Variants in CD8B observed in about 807,000 individuals in gnomAD.
CD8B encodes the protein T-cell surface glycoprotein CD8 beta chain.
In CD8B, 6 loss-of-function variants were observed where a neutral mutation model predicts 24.2. The ratio of observed to expected loss-of-function variants is 0.25; its 90% CI spans 0.14 to 0.49. The LOEUF (loss-of-function observed/expected upper bound fraction) is 0.49. Ranked by LOEUF, CD8B falls within the 20% of genes least tolerant of loss-of-function variation. The pLI is 0.98. For missense variants in CD8B, 196 were observed against 271.3 expected (o/e 0.72, Z 1.95); for synonymous variants, 84 against 108.3 (o/e 0.78, Z 1.39).
rs566144628 is a variant in CD8B at position 86,841,404 on chromosome 2, T to C, written c.*903A>G. ...GCCTGAGGCACCTGCAGCCTGGCTC[T>C]GGGTGCCCTGGGCGCTTCCTAGCCT... On this transcript the variant is annotated 3_prime_UTR_variant, in exon 6 of 6. Coordinates refer to ENST00000390655, the MANE Select transcript of CD8B (RefSeq NM_004931.5). Among the ~76,000 whole-genome samples the C allele has an allele frequency of 1.1e-3, 166 of 151,384 alleles. No individual in the cohort carries two copies. Among genetic ancestry groups the C allele is most frequent in the African/African-American group, 3.6e-3 (147 of 41,204 alleles).
rs765411219 is a variant in CD8B, at chr2:86,858,134, T to C, written c.326A>G (p.Glu109Gly). 1 of 1,614,012 alleles carries C rather than the reference T, an allele frequency of 6.2e-7. No homozygotes were observed. The highest frequency in any genetic ancestry group is 1.1e-5 in the South Asian group (1 of 91,078). The change falls in exon 2 of 6, where the codon GAA (glutamate) becomes GGA (glycine). Residue 109 changes from glutamate (E) to glycine (G), a missense_variant. Glu to Gly is a moderately conservative substitution (Grantham distance 98). Coordinates refer to ENST00000390655, the MANE Select transcript of CD8B (RefSeq NM_004931.5). The stretch of plus-strand genomic sequence containing the variant: ...CATGCAGAAGTAGATGCCACTGTCT[T>C]CCGGCTTCACGCTTGTGAGATTGAG... ...FILNLTSVKP[E>G]DSGIYFCMIV...
intron 2 of CD8B, among the ~76,000 whole-genome samples, chr2:86,857,785 G>A (rs773561071): frequency 2.0e-5 from 3 of 152,094 alleles, no homozygotes; most frequent in South Asian, 2.1e-4. Flanking sequence ...ACTCTGGCCC[G>A]TCTCTTCTAG....
downstream of CD8B, among the ~76,000 whole-genome samples, chr2:86,837,493 AAGG>A (rs1432780775): frequency 2.0e-5 from 3 of 152,078 alleles, no homozygotes; most frequent in Non-Finnish European, 2.9e-5. Flanking sequence ...TGACGCATCG[AAGG>A]AGGTTTCCCA....
intron 2 of CD8B, among the ~76,000 whole-genome samples, chr2:86,856,152 CTG>C (rs1317000677): frequency 6.6e-6 from 1 of 152,212 alleles, no homozygotes; most frequent in Non-Finnish European, 1.5e-5. Context: ...GCAGGTTTGG[CTG>C]CAAGCCAGAG....
chr2:86,848,482 C>A (rs763316186), intron 3 of CD8B, among the ~76,000 whole-genome samples: 22 of 151,944 alleles, frequency 1.4e-4, no homozygotes, highest in African/African-American at 2.9e-4. Context: ...CCTCTGACAC[C>A]CTTCAGGCCC....
chr2:86,860,258 A>G (rs1289845732), intron 1 of CD8B, among the ~76,000 whole-genome samples: 1 of 152,274 alleles, frequency 6.6e-6, no homozygotes, highest in Admixed American at 6.5e-5. Context: ...CGACAGAGCA[A>G]GACTCCATCT....
At chr2:86,860,451 A>C (rs1250373444) in intron 1 of CD8B, among the ~76,000 whole-genome samples, 1 of 152,180 alleles carries the variant, frequency 6.6e-6, no homozygotes, top group Non-Finnish European at 1.5e-5. Context: ...AATAAGAACC[A>C]ATAATGCCAG....
At chr2:86,860,960 A>G (rs1290824925) in intron 1 of CD8B, among the ~76,000 whole-genome samples, 1 of 152,214 alleles carries the variant, frequency 6.6e-6, no homozygotes, top group Non-Finnish European at 1.5e-5. Flanking sequence ...TCGGTAACCC[A>G]GGAATTCCAT....
At chr2:86,843,430 C>T (rs1442764017) in intron 5 of CD8B, 4 of 976,120 alleles carry the variant, frequency 4.1e-6, no homozygotes, top group Admixed American at 6.2e-5. Flanking sequence ...TGGCCTGAGA[C>T]AGCTACACTC....
chr2:86,830,684 C>G (rs1185537117), intron 5 of CD8B, among the ~76,000 whole-genome samples: 1 of 152,052 alleles, frequency 6.6e-6, no homozygotes, highest in Non-Finnish European at 1.5e-5. Flanking sequence ...ATTTGAGGCT[C>G]TAGATATGTA....
At chr2:86,833,920 G>T (rs1252671104), downstream of CD8B, among the ~76,000 whole-genome samples, 1 of 151,772 alleles carries the variant, frequency 6.6e-6, no homozygotes, top group African/African-American at 2.4e-5. Context: ...AAGTGCTGGG[G>T]TTACAGGGGT....
At position 86,839,797 on chromosome 2, in the gene CD8B, C is replaced by T. The variant is rs547738173; in HGVS notation, c.*2510G>A. Among the ~76,000 whole-genome samples, 16 of 152,362 alleles carry T rather than the reference C, an allele frequency of 1.1e-4. No individual in the cohort carries two copies. The East Asian group carries it at 1.9e-3, about 18-fold the overall frequency. ...AGGCCTTGTGGCCTGTTCTTACTTCCGCTGTGCACTGGGTGTGAGCCTTCA... is the reference window on the plus strand; with the variant it reads ...AGGCCTTGTGGCCTGTTCTTACTTCTGCTGTGCACTGGGTGTGAGCCTTCA... On this transcript the variant is annotated 3_prime_UTR_variant, in exon 6 of 6. Transcript: ENST00000390655.
intron 5 of CD8B, among the ~76,000 whole-genome samples, chr2:86,821,425 C>T (rs778696596): frequency 2.0e-5 from 3 of 152,200 alleles, no homozygotes; most frequent in Admixed American, 6.5e-5. Flanking sequence ...ACAGTGCTGG[C>T]GCCTGTGAGG....
At position 86,815,657 on chromosome 2, in the gene CD8B, TGCTGTAGTATC is replaced by T. The variant is rs1252338007; in HGVS notation, c.671_681del (p.Gly224GlufsTer10). Reference sequence around the variant, plus strand: ...AGCAGCTTCTGTGAGGTTGTAGTATTGCTGTAGTATCCATGCAGGCATTGGGGGACAAAGGT... The same window carrying T: ...AGCAGCTTCTGTGAGGTTGTAGTATTCATGCAGGCATTGGGGGACAAAGGT... On this transcript the variant is annotated frameshift_variant, in exon 6 of 6. Transcript: ENST00000331469. LOFTEE classifies it low-confidence loss of function (END_TRUNC). 1 of 1,613,720 alleles carries T rather than the reference TGCTGTAGTATC, an allele frequency of 6.2e-7. No homozygotes were observed. The highest frequency in any genetic ancestry group is 8.5e-7 in the Non-Finnish European group (1 of 1,179,700).
intron 2 of CD8B, among the ~76,000 whole-genome samples, chr2:86,857,396 A>C (rs1208344088): frequency 6.6e-6 from 1 of 152,186 alleles, no homozygotes; most frequent in Non-Finnish European, 1.5e-5. Context: ...ATGTGGCCTG[A>C]AGGACAGCAC....
chr2:86,851,796 G>A (rs1675988001), intron 3 of CD8B, among the ~76,000 whole-genome samples: 1 of 152,122 alleles, frequency 6.6e-6, no homozygotes, highest in Non-Finnish European at 1.5e-5. Context: ...TTGGGCTGAT[G>A]GGTTTAAGGA....
At chr2:86,830,096 C>T (rs1436082181) in intron 5 of CD8B, among the ~76,000 whole-genome samples, 1 of 152,064 alleles carries the variant, frequency 6.6e-6, no homozygotes, top group Non-Finnish European at 1.5e-5. Flanking sequence ...CAAGGTCTCG[C>T]TCTGTCACCT....
At chr2:86,821,785 C>G (rs1455908842) in intron 5 of CD8B, 3 of 413,516 alleles carry the variant, frequency 7.3e-6, no homozygotes, top group South Asian at 5.0e-5. Flanking sequence ...GGAAAGCCCC[C>G]ACAAACCCCG....
chr2:86,835,945 A>C (rs1675160224), downstream of CD8B, among the ~76,000 whole-genome samples: 1 of 151,912 alleles, frequency 6.6e-6, no homozygotes, highest in South Asian at 2.1e-4. Flanking sequence ...CGGTCATGAG[A>C]ATGAAAGCCC....
Sources: gnomAD v4.1 joint callset for allele counts (sites outside exome capture counted in the v4.1 genomes callset) on GRCh38, gnomAD v4.1.1 for gene constraint, MANE v1.5 for transcripts, NCBI Gene and HGNC (gene_info 2026-07-23, HGNC 2026-07-21) for gene names.